TSNARE1: variants seen among roughly 807,000 people sequenced by gnomAD.
TSNARE1 encodes the protein t-SNARE domain containing 1.
In TSNARE1, 49 loss-of-function variants were observed where a neutral mutation model predicts 62.0. The ratio of observed to expected loss-of-function variants is 0.79; its 90% CI spans 0.63 to 1.00. TSNARE1 has a LOEUF of 1.00. Among genes scored for constraint, TSNARE1 ranks in the 50% least tolerant of loss-of-function variants. TSNARE1 has a pLI of 0.00. For synonymous variants in TSNARE1, 328 were observed against 294.4 expected, an observed-to-expected ratio of 1.11 and a Z score of -1.17; for missense variants, 755 against 700.1, an observed-to-expected ratio of 1.08 and a Z score of -0.88.
At chr8:142,301,723 CTG>C (rs1484982363) in intron 9 of TSNARE1, among the ~76,000 whole-genome samples, 1 of 152,154 alleles carries the variant, frequency 6.6e-6, no homozygotes, top group East Asian at 1.9e-4. Context: ...GAGCAGAAAA[CTG>C]AGGTGGCGGC....
At chr8:142,256,332 T>C (rs1201967501) in intron 12 of TSNARE1, among the ~76,000 whole-genome samples, 46 of 2,288 alleles carry the variant, frequency 0.02, no homozygotes, top group Admixed American at 0.035. Context: ...TCACCATCTT[T>C]GCCACCATCA....
Position 142,256,371 on chromosome 8 carries a change from C to CCT in TSNARE1, c.1446+18409_1446+18410insAG, listed in dbSNP as rs1401785459. On this transcript the variant is annotated intron_variant, in intron 12 of 13. Coordinates refer to ENST00000524325, the MANE Select transcript of TSNARE1 (RefSeq NM_145003.5). ...TCACCATCATTATCACCACCATCATCACCACCATCATCATCACCAATACCA... is the reference window on the plus strand; with the variant it reads ...TCACCATCATTATCACCACCATCATCCTACCACCATCATCATCACCAATACCA... Among the ~76,000 whole-genome samples, 80 of 142,690 alleles carry CCT rather than the reference C, an allele frequency of 5.6e-4. 1 individual carries two copies. The highest frequency in any genetic ancestry group is 6.3e-4 in the Non-Finnish European group (41 of 64,580). The allele number at this position is 142,690 out of a possible 152,430, so 93.6% of individuals were successfully genotyped here.
chr8:142,308,092 C>T (rs1826979787), intron 9 of TSNARE1, among the ~76,000 whole-genome samples: 1 of 152,138 alleles, frequency 6.6e-6, no homozygotes, highest in South Asian at 2.1e-4. Context: ...GAGTTGTCTG[C>T]CCTTTCCTTG....
At chr8:142,301,548 C>T (rs377464373) in intron 9 of TSNARE1, among the ~76,000 whole-genome samples, 2 of 151,878 alleles carry the variant, frequency 1.3e-5, no homozygotes, top group African/African-American at 4.8e-5. Flanking sequence ...CAGTGCCCCC[C>T]ACCTGCCCTG....
chr8:142,361,977 T>A (rs1462783201), intron 1 of TSNARE1, among the ~76,000 whole-genome samples: 1 of 152,154 alleles, frequency 6.6e-6, no homozygotes, highest in Non-Finnish European at 1.5e-5. Flanking sequence ...AAAATGAAAC[T>A]GCAAAGTTCA....
At chr8:142,317,888 GC>G (rs1211448608) in intron 7 of TSNARE1, among the ~76,000 whole-genome samples, 5 of 152,320 alleles carry the variant, frequency 3.3e-5, no homozygotes, top group Non-Finnish European at 5.9e-5. Context: ...AACCCTGGGG[GC>G]AGAAGCTGCA....
At chr8:142,347,346 A>C (rs1330291281) in intron 2 of TSNARE1, among the ~76,000 whole-genome samples, 1 of 152,218 alleles carries the variant, frequency 6.6e-6, no homozygotes, top group Non-Finnish European at 1.5e-5. Flanking sequence ...GGCCCAAGTC[A>C]CAGAGGGAGG....
chr8:142,299,971 C>G (rs527338134), intron 10 of TSNARE1: 1 of 152,624 alleles, frequency 6.6e-6, no homozygotes, highest in South Asian at 2.1e-4. Flanking sequence ...TTTAAAGAAA[C>G]GAAAAATAAG....
At chr8:142,246,252 AC>A (rs1369531537) in intron 12 of TSNARE1, among the ~76,000 whole-genome samples, 1 of 150,354 alleles carries the variant, frequency 6.7e-6, no homozygotes, top group African/African-American at 2.5e-5. Context: ...GGGCTGGGGG[AC>A]CCCCAGGAGA....
intron 4 of TSNARE1, among the ~76,000 whole-genome samples, chr8:142,332,436 G>A (rs1186182189): frequency 5.3e-5 from 8 of 152,176 alleles, no homozygotes; most frequent in Admixed American, 2.0e-4. Context: ...TGATGGGTAC[G>A]GGGGTGCTTT....
chr8:142,364,892 A>G (rs893394155), intron 1 of TSNARE1, among the ~76,000 whole-genome samples: 1 of 152,242 alleles, frequency 6.6e-6, no homozygotes, highest in Non-Finnish European at 1.5e-5. Flanking sequence ...AAGCCAGCTA[A>G]TAACTGTGGA....
At chr8:142,281,935 G>T (rs1381521691) in intron 11 of TSNARE1, among the ~76,000 whole-genome samples, 1 of 152,172 alleles carries the variant, frequency 6.6e-6, no homozygotes, top group Non-Finnish European at 1.5e-5. Context: ...GCAGCAAAAG[G>T]GTAGGGCTTC....
chr8:142,285,713 G>C (rs1822617011), intron 10 of TSNARE1, among the ~76,000 whole-genome samples: 1 of 152,156 alleles, frequency 6.6e-6, no homozygotes, highest in Non-Finnish European at 1.5e-5. Context: ...ACAGAGTAAG[G>C]AACAGAAACG....
In TSNARE1 at chr8:142,300,627, A is replaced by C; in HGVS notation, c.1149T>G (p.Phe383Leu). The change falls in exon 10 of 14, where the codon TTT (phenylalanine) becomes TTG (leucine). Residue 383 changes from phenylalanine (F) to leucine (L), a missense_variant. Phe to Leu is a conservative substitution (Grantham distance 22). Coordinates refer to ENST00000524325, the MANE Select transcript of TSNARE1 (RefSeq NM_145003.5). ...CCTTCTCATCATCAGCCAGCTCGGC[A>C]AACGGGGCCTGGGGACTCTGCTGAT... Reference protein sequence around the residue: ...RGSKQSPQAPFAELADDEKVF... With the variant: ...RGSKQSPQAPLAELADDEKVF... 1 of 1,613,602 alleles carries C rather than the reference A, an allele frequency of 6.2e-7. No individual in the cohort carries two copies. The highest frequency in any genetic ancestry group is 8.5e-7 in the Non-Finnish European group (1 of 1,179,896).
At chr8:142,326,832 G>A (rs1586823944) in intron 6 of TSNARE1, among the ~76,000 whole-genome samples, 1 of 152,228 alleles carries the variant, frequency 6.6e-6, no homozygotes, top group East Asian at 1.9e-4. Flanking sequence ...TTCCTTCCAA[G>A]AAGATATACA....
intron 9 of TSNARE1, among the ~76,000 whole-genome samples, chr8:142,304,725 T>C (rs1826374579): frequency 6.6e-6 from 1 of 152,208 alleles, no homozygotes; most frequent in Non-Finnish European, 1.5e-5. Flanking sequence ...GGCTGCAGCA[T>C]ACAGCAGAGA....
chr8:142,334,234 AAAAT>A (rs1831450879), intron 4 of TSNARE1, among the ~76,000 whole-genome samples: 1 of 152,212 alleles, frequency 6.6e-6, no homozygotes, highest in Non-Finnish European at 1.5e-5. Context: ...TTTGCTGTCC[AAAAT>A]CTTCTACCCC....
intron 12 of TSNARE1, among the ~76,000 whole-genome samples, chr8:142,253,640 C>T (rs977641870): frequency 3.9e-5 from 6 of 152,202 alleles, no homozygotes; most frequent in African/African-American, 1.2e-4. Flanking sequence ...GCCCCTGCCT[C>T]GAGGTCACTC....
chr8:142,331,310 T>G (rs558015446), intron 5 of TSNARE1, among the ~76,000 whole-genome samples: 129 of 152,336 alleles, frequency 8.5e-4, no homozygotes, highest in African/African-American at 3.0e-3. Flanking sequence ...GCCCCTCCCC[T>G]GGCCGTGGCT....
Sources: allele counts gnomAD v4.1 joint callset (sites outside exome capture counted in the v4.1 genomes callset), GRCh38; gene constraint gnomAD v4.1.1; transcripts MANE v1.5; gene names NCBI Gene and HGNC (gene_info 2026-07-23, HGNC 2026-07-21).